PARD3B: variants seen among roughly 807,000 people sequenced by gnomAD.
PARD3B encodes partitioning defective 3 homolog B.
In PARD3B, 103 loss-of-function variants were observed where a neutral mutation model predicts 130.2. The ratio of observed to expected loss-of-function variants is 0.79; its 90% CI spans 0.67 to 0.93. PARD3B has a LOEUF of 0.93. Among genes scored for constraint, PARD3B ranks in the 40% least tolerant of loss-of-function variants. The pLI is 0.00. For synonymous variants in PARD3B, 583 were observed against 553.2 expected (o/e 1.05, Z -0.76); for missense variants, 1,609 against 1,499.2 (o/e 1.07, Z -1.21).
At chr2:205,296,879 A>ATTTT (rs2041816277) in intron 16 of PARD3B, among the ~76,000 whole-genome samples, 1 of 151,660 alleles carries the variant, frequency 6.6e-6, no homozygotes, top group African/African-American at 2.4e-5. Flanking sequence ...ATCTTTTTAA[A>ATTTT]AAAAAAAAAA....
At position 205,438,981 on chromosome 2, in the gene PARD3B, A is replaced by G. The variant is rs142994693; in HGVS notation, c.2742-1389A>G. On this transcript the variant is annotated intron_variant, in intron 19 of 22. Coordinates refer to ENST00000406610, the MANE Select transcript of PARD3B (RefSeq NM_001302769.2). Reference sequence around the variant, plus strand: ...TTTGTTTTTTGCTTTTTGCTTCCCAATTGAAATTGCCCAATTTCTTTTCTG... The same window carrying G: ...TTTGTTTTTTGCTTTTTGCTTCCCAGTTGAAATTGCCCAATTTCTTTTCTG... 1.4e-4 allele frequency among the ~76,000 whole-genome samples: 21 copies of G among 152,234 alleles called. No homozygotes were observed. The East Asian group carries it at 2.7e-3, about 20-fold the overall frequency.
At chr2:204,935,945 A>G (rs1005401545) in intron 2 of PARD3B, among the ~76,000 whole-genome samples, 1 of 152,212 alleles carries the variant, frequency 6.6e-6, no homozygotes, top group Non-Finnish European at 1.5e-5. Flanking sequence ...CAAATTTCCA[A>G]TTATTTAATA....
At chr2:205,213,217 AT>A (rs34967992) in intron 15 of PARD3B, among the ~76,000 whole-genome samples, 24,430 of 149,908 alleles carry the variant, frequency 0.16, 2,273 homozygotes, top group African/African-American at 0.26. Flanking sequence ...GGGGACTGTC[AT>A]TTTTTTTTTC....
chr2:205,199,262 CAA>C (rs1386704350), intron 15 of PARD3B, among the ~76,000 whole-genome samples: 1 of 151,952 alleles, frequency 6.6e-6, no homozygotes, highest in Non-Finnish European at 1.5e-5. Flanking sequence ...AAGAAAAGCT[CAA>C]GAGTTAAGGA....
chr2:205,330,965 A>G (rs1258449876), intron 18 of PARD3B, among the ~76,000 whole-genome samples: 1 of 152,162 alleles, frequency 6.6e-6, no homozygotes, highest in Non-Finnish European at 1.5e-5. Flanking sequence ...TCTCAAATGG[A>G]TGTTTATTTC....
chr2:204,658,592 A>G (rs912639804), intron 1 of PARD3B, among the ~76,000 whole-genome samples: 3 of 152,200 alleles, frequency 2.0e-5, no homozygotes, highest in African/African-American at 7.2e-5. Context: ...CAAAAAGTGT[A>G]TAACCTCTAG....
intron 18 of PARD3B, among the ~76,000 whole-genome samples, chr2:205,380,987 TATCTAAA>T (rs2045390975): frequency 9.7e-6 from 1 of 103,240 alleles, no homozygotes. Context: ...TTATATATAA[TATCTAAA>T]GAATATATAT....
chr2:204,956,516 TTG>T lies in PARD3B; in HGVS notation c.223-8610_223-8609del, dbSNP rs113818336. ...TAAGATTAACTTGAAGAAAAACTAC[TTG>T]TGTGTGTGTGTGTGTGTGTGTGTGT... On this transcript the variant is annotated intron_variant, in intron 2 of 22. Coordinates refer to ENST00000406610, the MANE Select transcript of PARD3B (RefSeq NM_001302769.2). Among the ~76,000 whole-genome samples the T allele has an allele frequency of 7.9e-3, 1,162 of 147,716 alleles. 5 individuals are homozygous for T. The highest frequency in any genetic ancestry group is 0.024 in the South Asian group (110 of 4,596).
In PARD3B at chr2:205,119,680, G is replaced by A. The variant is rs185611451; in HGVS notation, c.806+634G>A. ...GCCTGTAATCCCAGCTACTTGGGAG[G>A]CTGAGGCAGGAGAATCGCTTGAACC... On this transcript the variant is annotated intron_variant, in intron 7 of 22. Transcript: ENST00000406610. 4.0e-4 allele frequency among the ~76,000 whole-genome samples: 61 copies of A among 152,182 alleles called. 1 individual carries two copies. Among genetic ancestry groups the A allele is most frequent in the Middle Eastern group, 3.4e-3 (1 of 294 alleles).
intron 3 of PARD3B, among the ~76,000 whole-genome samples, chr2:205,018,226 G>A (rs1696306271): frequency 6.6e-6 from 1 of 152,162 alleles, no homozygotes; most frequent in Admixed American, 6.6e-5. Context: ...AAGTCTAAAA[G>A]TGAGTACTCA....
chr2:204,731,353 A>G (rs1357835660), intron 2 of PARD3B, among the ~76,000 whole-genome samples: 1 of 152,172 alleles, frequency 6.6e-6, no homozygotes, highest in Non-Finnish European at 1.5e-5. Flanking sequence ...TCTTGCAACA[A>G]CCTGTGTTCC....
At chr2:204,833,694 C>G (rs1238397082) in intron 2 of PARD3B, among the ~76,000 whole-genome samples, 1 of 152,048 alleles carries the variant, frequency 6.6e-6, no homozygotes, top group African/African-American at 2.4e-5. Flanking sequence ...TAAGACATGC[C>G]TTTTGCCTTC....
intron 2 of PARD3B, among the ~76,000 whole-genome samples, chr2:204,755,908 G>A (rs1036992450): frequency 2.6e-5 from 4 of 152,092 alleles, no homozygotes; most frequent in Non-Finnish European, 5.9e-5. Context: ...GCTGAGCAAG[G>A]TGAATTAGGA....
At chr2:204,922,180 C>T (rs1346476487) in intron 2 of PARD3B, among the ~76,000 whole-genome samples, 2 of 151,914 alleles carry the variant, frequency 1.3e-5, no homozygotes, top group African/African-American at 4.8e-5. Context: ...CGGCCATTTT[C>T]GTTTATGCAA....
intron 2 of PARD3B, among the ~76,000 whole-genome samples, chr2:204,945,335 A>G (rs565608161): frequency 2.6e-5 from 4 of 152,232 alleles, no homozygotes; most frequent in African/African-American, 9.6e-5. Context: ...TCACCAGGAT[A>G]TAGAAACTGC....
At chr2:204,950,370 A>G (rs1171275669) in intron 2 of PARD3B, among the ~76,000 whole-genome samples, 2 of 152,222 alleles carry the variant, frequency 1.3e-5, no homozygotes, top group African/African-American at 4.8e-5. Context: ...CAGAGAAGCT[A>G]AATAACTTCC....
chr2:205,454,493 C>G (rs916452357), intron 20 of PARD3B, among the ~76,000 whole-genome samples: 2 of 152,078 alleles, frequency 1.3e-5, no homozygotes, highest in Admixed American at 1.3e-4. Flanking sequence ...GGAAAGCTGA[C>G]TGAGGATTGG....
intron 2 of PARD3B, among the ~76,000 whole-genome samples, chr2:204,961,505 C>T (rs1020893281): frequency 3.3e-5 from 5 of 152,122 alleles, no homozygotes; most frequent in Non-Finnish European, 5.9e-5. Context: ...CCATTTTTGA[C>T]ATGTTAGATT....
rs879735356 is a variant in PARD3B, at chr2:204,994,471, A to G, written c.394+29148A>G. 3.3e-3 allele frequency among the ~76,000 whole-genome samples: 417 copies of G among 126,990 alleles called. 3 individuals carry two copies. The highest frequency in any genetic ancestry group is 9.3e-3 in the Admixed American group (110 of 11,768). 83.3% of individuals were successfully genotyped at this position (126,990 alleles called of 152,430 possible). ...AGTTTGTTATAATTTGTGTTCTTTT[A>G]CATTTGCTGAGGAGAGCTTTACTTC... On this transcript the variant is annotated intron_variant, in intron 3 of 22. Transcript: ENST00000406610.
Sources: gnomAD v4.1 joint callset for allele counts (sites outside exome capture counted in the v4.1 genomes callset) on GRCh38, gnomAD v4.1.1 for gene constraint, MANE v1.5 for transcripts, NCBI Gene and HGNC (gene_info 2026-07-23, HGNC 2026-07-21) for gene names.